The following ASIC2 variants were observed in gnomAD, a reference collection of about 807,000 sequenced individuals.
ASIC2 encodes the protein acid-sensing ion channel 2.
In ASIC2, 25 loss-of-function variants were observed where a neutral mutation model predicts 57.3. The observed-to-expected ratio is 0.44, with a 90% CI of 0.32 to 0.61. The LOEUF (loss-of-function observed/expected upper bound fraction) is 0.61, where lower values mean the gene tolerates loss of function less well. Ranked by LOEUF, ASIC2 falls within the 20% of genes least tolerant of loss-of-function variation. The pLI is 0.06. For missense variants in ASIC2, 641 were observed against 738.1 expected (o/e 0.87, Z 1.52); for synonymous variants, 319 against 307.5 (o/e 1.04, Z -0.39).
chr17:33,424,442 G>T lies in ASIC2; in HGVS notation c.556-312375C>A, dbSNP rs143436882. Among the ~76,000 whole-genome samples the T allele has an allele frequency of 5.8e-4, 88 of 152,268 alleles. 1 individual carries two copies. Among genetic ancestry groups the T allele is most frequent in the African/African-American group, 2.1e-3 (87 of 41,554 alleles). On this transcript the variant is annotated intron_variant, in intron 1 of 9. Transcript: ENST00000359872. ...GGAGTCCGGGGAAAGCAGCTTTTAG[G>T]GACCCTGAAAACACTGGAGGAATTA...
chr17:33,300,115 C>T (rs1032404982), intron 1 of ASIC2, among the ~76,000 whole-genome samples: 3 of 152,136 alleles, frequency 2.0e-5, no homozygotes, highest in African/African-American at 7.2e-5. Flanking sequence ...TCCACCCCAT[C>T]CCCAGCCCCC....
intron 1 of ASIC2, among the ~76,000 whole-genome samples, chr17:34,044,882 C>T (rs1161199842): frequency 1.3e-5 from 2 of 152,188 alleles, no homozygotes; most frequent in Non-Finnish European, 2.9e-5. Context: ...AAGACTATTA[C>T]TTGGAGTTAC....
intron 1 of ASIC2, among the ~76,000 whole-genome samples, chr17:33,625,169 A>G (rs918775412): frequency 6.6e-6 from 1 of 150,886 alleles, no homozygotes; most frequent in Non-Finnish European, 1.5e-5. Flanking sequence ...CTATCTATCT[A>G]TCTATCATCT....
intron 1 of ASIC2, among the ~76,000 whole-genome samples, chr17:33,947,540 G>A (rs1444596633): frequency 6.6e-6 from 1 of 152,196 alleles, no homozygotes; most frequent in Admixed American, 6.5e-5. Flanking sequence ...ATAAGTAGGA[G>A]TTCACAAAAC....
rs573519861 is a variant in ASIC2, at chr17:33,776,635, G to A, written c.555+379343C>T. 2.0e-5 allele frequency among the ~76,000 whole-genome samples: 3 copies of A among 152,280 alleles called. No individual in the cohort carries two copies. The East Asian group carries it at 5.8e-4, about 29-fold the overall frequency. ...TGGCCCTCTGTGAATCGAGGCCAAA[G>A]GAGGGAAGCAGGGGCAAGCAAACAC... On this transcript the variant is annotated intron_variant, in intron 1 of 9. Transcript: ENST00000359872.
At position 33,319,174 on chromosome 17, in the gene ASIC2, G is replaced by A. The variant is rs375856032; in HGVS notation, c.556-207107C>T. 9.6e-4 allele frequency among the ~76,000 whole-genome samples: 146 copies of A among 152,280 alleles called. 4 individuals are homozygous for A. In the South Asian group the frequency reaches 0.029, roughly 31 times the overall value. Reference sequence around the variant, plus strand: ...GAACCCGGGATGCGGAGCTTGCAGCGAGCCACAGTCACACCACTGCACTCC... The same window carrying A: ...GAACCCGGGATGCGGAGCTTGCAGCAAGCCACAGTCACACCACTGCACTCC... On this transcript the variant is annotated intron_variant, in intron 1 of 9. Transcript: ENST00000359872.
intron 1 of ASIC2, among the ~76,000 whole-genome samples, chr17:33,355,308 G>A (rs1256033731): frequency 1.3e-5 from 2 of 152,254 alleles, no homozygotes; most frequent in Non-Finnish European, 1.5e-5. Flanking sequence ...GCACTCCAGC[G>A]TGGACAACAC....
intron 1 of ASIC2, among the ~76,000 whole-genome samples, chr17:33,405,487 C>CTTTTTTTTTTTTTTTTTTTTTTTT (rs35049672): frequency 7.4e-6 from 1 of 135,306 alleles, no homozygotes. Flanking sequence ...TTTTTTCTTT[C>CTTTTTTTTTTTTTTTTTTTTTTTT]TTTTTTTTTT....
At chr17:33,473,751 T>C (rs1335681899) in intron 1 of ASIC2, among the ~76,000 whole-genome samples, 1 of 152,144 alleles carries the variant, frequency 6.6e-6, no homozygotes, top group Non-Finnish European at 1.5e-5. Context: ...GGTGTTCCAG[T>C]ATTGTGAGGT....
chr17:33,028,495 A>G, intron 3 of ASIC2, 103 bp from the exon 4 acceptor site: 2 of 1,409,916 alleles, frequency 1.4e-6, no homozygotes, highest in Non-Finnish European at 2.0e-6. Context: ...TTTAAATACC[A>G]TTAACTTTAT....
chr17:33,973,611 G>A lies in ASIC2; in HGVS notation c.555+182367C>T, dbSNP rs151056136. On this transcript the variant is annotated intron_variant, in intron 1 of 9. Transcript: ENST00000359872. ...CTCCGCAGCTCTCTCTCTACTCTGG[G>A]GTGTATTTGACTTTGAATCAAGCGA... Among the ~76,000 whole-genome samples, 356 of 152,218 alleles carry A rather than the reference G, an allele frequency of 2.3e-3. 3 individuals carry two copies. The highest frequency in any genetic ancestry group is 8.3e-3 in the African/African-American group (344 of 41,536).
At chr17:33,919,937 C>T (rs1915672971) in intron 1 of ASIC2, among the ~76,000 whole-genome samples, 1 of 152,146 alleles carries the variant, frequency 6.6e-6, no homozygotes, top group East Asian at 1.9e-4. Context: ...CATCACTAAC[C>T]ATCAGAGAGA....
At chr17:33,656,876 A>G (rs280049) in intron 1 of ASIC2, among the ~76,000 whole-genome samples, 124,963 of 152,234 alleles carry the variant, frequency 0.82, 51,493 homozygotes, top group African/African-American at 0.89. Context: ...GCTATGAAGA[A>G]GCAGAAGTCT....
chr17:33,725,724 C>A (rs889662525), intron 1 of ASIC2, among the ~76,000 whole-genome samples: 48 of 127,808 alleles, frequency 3.8e-4, no homozygotes, highest in African/African-American at 1.5e-3. Flanking sequence ...TTAAGAAACC[C>A]CCCCCCCCTT....
At chr17:33,916,417 G>A (rs1407551638) in intron 1 of ASIC2, among the ~76,000 whole-genome samples, 1 of 152,194 alleles carries the variant, frequency 6.6e-6, no homozygotes, top group African/African-American at 2.4e-5. Flanking sequence ...GAGAACTGGA[G>A]AGAACCAAAG....
intron 2 of ASIC2, among the ~76,000 whole-genome samples, chr17:33,104,235 G>A (rs2092226258): frequency 1.3e-5 from 2 of 152,168 alleles, no homozygotes; most frequent in African/African-American, 4.8e-5. Context: ...TTTAGGTGGG[G>A]TCTAGGAAGG....
chr17:34,103,214 T>A (rs1281699395), intron 1 of ASIC2, among the ~76,000 whole-genome samples: 1 of 152,192 alleles, frequency 6.6e-6, no homozygotes, highest in African/African-American at 2.4e-5. Flanking sequence ...GGCACTATCA[T>A]GCCTCAACGT....
At chr17:33,547,068 C>A (rs989770005) in intron 1 of ASIC2, among the ~76,000 whole-genome samples, 2 of 152,148 alleles carry the variant, frequency 1.3e-5, no homozygotes, top group African/African-American at 2.4e-5. Context: ...GGTTGCCAGG[C>A]CCTACCTCCA....
intron 1 of ASIC2, among the ~76,000 whole-genome samples, chr17:34,135,870 G>A (rs760762477): frequency 1.3e-5 from 2 of 152,028 alleles, no homozygotes; most frequent in Non-Finnish European, 2.9e-5. Context: ...CCAGGATGCT[G>A]CCAATCATTA....
Sources: gnomAD v4.1 joint callset for allele counts (sites outside exome capture counted in the v4.1 genomes callset) on GRCh38, gnomAD v4.1.1 for gene constraint, MANE v1.5 for transcripts, NCBI Gene and HGNC (gene_info 2026-07-23, HGNC 2026-07-21) for gene names.